Variants in GSE1 observed in about 807,000 individuals in gnomAD.
GSE1 encodes the protein genetic suppressor element 1.
GSE1 carries 32 observed loss-of-function variants against 112.6 expected under a neutral mutation model. That is an observed-to-expected ratio of 0.28 (90% CI 0.21 to 0.38). The LOEUF (loss-of-function observed/expected upper bound fraction) is 0.38. Ranked by LOEUF, GSE1 falls within the 10% of genes least tolerant of loss-of-function variation. GSE1 has a pLI of 1.00. For missense variants in GSE1, 2,348 were observed against 1,699.2 expected, an observed-to-expected ratio of 1.38 and a Z score of -6.71; for synonymous variants, 1,115 against 735.6, an observed-to-expected ratio of 1.52 and a Z score of -8.35.
In GSE1 at chr16:85,224,022, C is replaced by G. The variant is rs143481017; in HGVS notation, c.2283+52215C>G. Reference sequence around the variant, plus strand: ...TTTATCATCACCCCAAAAGGAAGCCCCAGCCCCATTATCAGCACCATTTTC... The same window carrying G: ...TTTATCATCACCCCAAAAGGAAGCCGCAGCCCCATTATCAGCACCATTTTC... On this transcript the variant is annotated intron_variant, in intron 1 of 2. Transcript: ENST00000637419. 9.9e-3 allele frequency among the ~76,000 whole-genome samples: 1,505 copies of G among 152,158 alleles called. 23 individuals are homozygous for G. Among genetic ancestry groups the G allele is most frequent in the African/African-American group, 0.035 (1,445 of 41,518 alleles).
intron 2 of GSE1, among the ~76,000 whole-genome samples, chr16:85,535,267 C>T (rs945181420): frequency 2.6e-5 from 4 of 152,220 alleles, no homozygotes; most frequent in Non-Finnish European, 5.9e-5. Context: ...TTCAGAGCCA[C>T]AGTCATACAA....
At chr16:85,387,759 G>A (rs1451301866) in intron 2 of GSE1, among the ~76,000 whole-genome samples, 1 of 152,250 alleles carries the variant, frequency 6.6e-6, no homozygotes, top group African/African-American at 2.4e-5. Context: ...GAACACATTA[G>A]TGATAGTGCT....
intron 1 of GSE1, among the ~76,000 whole-genome samples, chr16:85,355,386 G>A (rs1272724692): frequency 6.6e-6 from 1 of 152,176 alleles, no homozygotes; most frequent in East Asian, 1.9e-4. Flanking sequence ...AACCTCACCA[G>A]ACGGCAGGCC....
intron 1 of GSE1, among the ~76,000 whole-genome samples, chr16:85,180,687 C>T (rs1442150999): frequency 6.6e-6 from 1 of 152,212 alleles, no homozygotes; most frequent in Admixed American, 6.5e-5. Context: ...GTGCCGGCGC[C>T]GGGATCCGCA....
intron 1 of GSE1, among the ~76,000 whole-genome samples, chr16:85,223,821 T>C (rs1380106093): frequency 6.6e-6 from 1 of 151,888 alleles, no homozygotes; most frequent in African/African-American, 2.4e-5. Context: ...GCCAGGCTGG[T>C]CTCAAACTCC....
At chr16:85,201,338 G>GT (rs11297737) in intron 1 of GSE1, among the ~76,000 whole-genome samples, 4,102 of 136,726 alleles carry the variant, frequency 0.03, 89 homozygotes, top group Non-Finnish European at 0.044. Flanking sequence ...TCCCTTTGGT[G>GT]TTTTTTTTTT....
At chr16:85,545,771 G>GGTTTGTTT (rs566380480) in intron 2 of GSE1, among the ~76,000 whole-genome samples, 1 of 151,280 alleles carries the variant, frequency 6.6e-6, no homozygotes, top group Non-Finnish European at 1.5e-5. Flanking sequence ...TTGTTTTTTT[G>GGTTTGTTT]GTTTGTTTGT....
At chr16:85,408,814 G>C (rs1371145055) in intron 2 of GSE1, among the ~76,000 whole-genome samples, 2 of 59,534 alleles carry the variant, frequency 3.4e-5, no homozygotes, top group African/African-American at 8.1e-5. Context: ...TGCACTCAGG[G>C]CCCCCCGGAT....
intron 2 of GSE1, among the ~76,000 whole-genome samples, chr16:85,443,906 A>G (rs2049442081): frequency 6.6e-6 from 1 of 150,936 alleles, no homozygotes; most frequent in South Asian, 2.1e-4. Context: ...GCACATCTGC[A>G]GAAGCTGTGG....
At chr16:85,339,848 T>G (rs1567698905) in intron 1 of GSE1, among the ~76,000 whole-genome samples, 1 of 152,220 alleles carries the variant, frequency 6.6e-6, no homozygotes, top group East Asian at 1.9e-4. Context: ...TCGTCTGTCT[T>G]CTTTTAACCT....
intron 1 of GSE1, among the ~76,000 whole-genome samples, chr16:85,572,819 G>A (rs554496683): frequency 6.6e-6 from 1 of 152,296 alleles, no homozygotes; most frequent in East Asian, 1.9e-4. Flanking sequence ...ATTACCTAAA[G>A]GAAGGCCCAC....
At chr16:85,547,593 T>C (rs1272002595) in intron 2 of GSE1, among the ~76,000 whole-genome samples, 3 of 152,148 alleles carry the variant, frequency 2.0e-5, no homozygotes, top group African/African-American at 7.2e-5. Context: ...CAAACCAGTA[T>C]ACTGGGGCTA....
chr16:85,548,797 C>G (rs2151228764), intron 2 of GSE1, among the ~76,000 whole-genome samples: 1 of 152,142 alleles, frequency 6.6e-6, no homozygotes, highest in East Asian at 1.9e-4. Context: ...TCTGGGGATT[C>G]TTTTTTTGTT....
At position 85,339,191 on chromosome 16, in the gene GSE1, A is replaced by T. The variant is rs4783170; in HGVS notation, c.2284-18272A>T. Among the ~76,000 whole-genome samples the T allele has an allele frequency of 5.3e-5, 8 of 152,238 alleles. No individual in the cohort carries two copies. In the East Asian group the frequency reaches 1.4e-3, roughly 26 times the overall value. ...AGTAGCCAGGCCCGTAGTAGTTCTC[A>T]TGGCTATTTTACGTGATTGCAAATT... On this transcript the variant is annotated intron_variant, in intron 1 of 2. Transcript: ENST00000637419.
chr16:85,295,388 G>C (rs2045338680), intron 1 of GSE1, among the ~76,000 whole-genome samples: 1 of 152,230 alleles, frequency 6.6e-6, no homozygotes, highest in African/African-American at 2.4e-5. Flanking sequence ...CTGCAGCGCG[G>C]GTCAGCACAT....
intron 1 of GSE1, among the ~76,000 whole-genome samples, chr16:85,633,430 G>C (rs2049714973): frequency 6.6e-6 from 1 of 152,242 alleles, no homozygotes; most frequent in South Asian, 2.1e-4. Flanking sequence ...TGCGTGCCTG[G>C]CATCGTGTGC....
At chr16:85,430,701 C>T (rs1420933935) in intron 2 of GSE1, among the ~76,000 whole-genome samples, 3 of 152,182 alleles carry the variant, frequency 2.0e-5, no homozygotes, top group South Asian at 2.1e-4. Context: ...CACAGGGCGG[C>T]GGCAGTCTAG....
chr16:85,611,569 C>A, upstream of GSE1: 1 of 755,492 alleles, frequency 1.3e-6, no homozygotes. Flanking sequence ...CCTCGCCGGT[C>A]CGTTTCCCTT....
intron 2 of GSE1, among the ~76,000 whole-genome samples, chr16:85,437,441 G>A (rs376239112): frequency 3.9e-5 from 6 of 152,154 alleles, no homozygotes; most frequent in South Asian, 2.1e-4. Context: ...GGAGGCAGCC[G>A]TATGGTGCCT....
Sources: allele counts gnomAD v4.1 joint callset (sites outside exome capture counted in the v4.1 genomes callset), GRCh38; gene constraint gnomAD v4.1.1; transcripts MANE v1.5; gene names NCBI Gene and HGNC (gene_info 2026-07-23, HGNC 2026-07-21).